Variants in ACSM1 observed in about 807,000 individuals in gnomAD.
The protein encoded by ACSM1 is acyl-coenzyme A synthetase ACSM1, mitochondrial.
ACSM1 carries 79 observed loss-of-function variants against 75.8 expected under a neutral mutation model. That is an observed-to-expected ratio of 1.04 (90% CI 0.87 to 1.26). ACSM1 has a LOEUF of 1.26. Ranked by LOEUF, ACSM1 falls within the 50% of genes most tolerant of loss-of-function variation. The pLI is 0.00. For synonymous variants in ACSM1, 279 were observed against 265.8 expected (o/e 1.05, Z -0.48); for missense variants, 676 against 720.1 (o/e 0.94, Z 0.70).
At chr16:20,687,946 A>G (rs977640705) in intron 2 of ACSM1, among the ~76,000 whole-genome samples, 1 of 151,994 alleles carries the variant, frequency 6.6e-6, no homozygotes. Context: ...TAAGCCAGGC[A>G]TAGTTGCATG....
intron 11 of ACSM1, among the ~76,000 whole-genome samples, chr16:20,626,016 T>C (rs964629999): frequency 6.6e-6 from 1 of 152,258 alleles, no homozygotes; most frequent in Non-Finnish European, 1.5e-5. Context: ...TTGCCTTTTT[T>C]TTCTTTTGTG....
intron 7 of ACSM1, among the ~76,000 whole-genome samples, chr16:20,653,593 A>G (rs2018773056): frequency 6.6e-6 from 1 of 152,222 alleles, no homozygotes; most frequent in Non-Finnish European, 1.5e-5. Flanking sequence ...AATCACAAGC[A>G]TTCTTATACA....
chr16:20,639,389 G>A (rs2017919083), intron 8 of ACSM1, among the ~76,000 whole-genome samples: 2 of 152,132 alleles, frequency 1.3e-5, no homozygotes, highest in South Asian at 2.1e-4. Context: ...TAAACCCCAA[G>A]CAATGCACTT....
At chr16:20,684,760 G>A (rs2079515841) in intron 3 of ACSM1, among the ~76,000 whole-genome samples, 3 of 152,268 alleles carry the variant, frequency 2.0e-5, no homozygotes, top group East Asian at 3.9e-4. Flanking sequence ...GAAAGAGAGA[G>A]GGAGAGAGTG....
chr16:20,644,572 CACACACAT>C (rs950988553), intron 7 of ACSM1, among the ~76,000 whole-genome samples: 1 of 146,624 alleles, frequency 6.8e-6, no homozygotes, highest in Admixed American at 6.7e-5. Context: ...CACACACACA[CACACACAT>C]AATGGGTATT....
At chr16:20,624,443 A>G (rs1309084692) in intron 12 of ACSM1, among the ~76,000 whole-genome samples, 1 of 152,200 alleles carries the variant, frequency 6.6e-6, no homozygotes, top group East Asian at 1.9e-4. Context: ...AATGGGGACA[A>G]TAAAGCTTCC....
chr16:20,677,639 T>G (rs1298957374), intron 4 of ACSM1, among the ~76,000 whole-genome samples: 2 of 152,186 alleles, frequency 1.3e-5, no homozygotes, highest in East Asian at 3.9e-4. Flanking sequence ...AATATTTTAC[T>G]GATGGAAGCA....
In ACSM1 at chr16:20,625,436, G is replaced by T. The variant is rs140233108; in HGVS notation, c.1514C>A (p.Pro505Gln). ...AESAVVGSPD[P>Q]IRGEVVKAFI... ...TGTTCTCCTCACCTCCCCTCGAATCGGGTCTGGGCTGCCCACCACGGCTGA... is the reference window on the plus strand; with the variant it reads ...TGTTCTCCTCACCTCCCCTCGAATCTGGTCTGGGCTGCCCACCACGGCTGA... Residue 505 changes from proline (P) to glutamine (Q), a missense_variant, in exon 12 of 14, where the codon CCG becomes CAG. By Grantham distance (76) the Pro-to-Gln change is moderately conservative. Coordinates refer to ENST00000520010, the MANE Select transcript of ACSM1 (RefSeq NM_001318890.3). 1 of 1,613,992 alleles carries T rather than the reference G, an allele frequency of 6.2e-7. No homozygotes were observed.
At position 20,627,428 on chromosome 16, in the gene ACSM1, T is replaced by C. The variant is rs1029637852; in HGVS notation, c.1300-112A>G. 4 of 1,302,970 alleles carry C rather than the reference T, an allele frequency of 3.1e-6. 1 individual carries two copies. Among genetic ancestry groups the C allele is most frequent in the Non-Finnish European group, 4.1e-6 (4 of 985,188 alleles). 80.7% of individuals were successfully genotyped at this position (1,302,970 alleles called of 1,614,324 possible). A position where few individuals can be genotyped will look rare whatever the true frequency, so the allele number is the denominator to read the frequency against. On this transcript the variant is annotated intron_variant, in intron 10 of 13. Coordinates refer to ENST00000520010, the MANE Select transcript of ACSM1 (RefSeq NM_001318890.3). ...TCTGCCTCTGTTTCTACTCGGTACC[T>C]GGGCAAGTTTTGCCATTTCTGAGTC...
At chr16:20,624,348 G>A in intron 12 of ACSM1, 133 bp from the exon 13 acceptor site, 3 of 1,083,816 alleles carry the variant, frequency 2.8e-6, no homozygotes, top group Non-Finnish European at 3.7e-6. Flanking sequence ...AGAGGACCAG[G>A]TGTAAATCCC....
chr16:20,640,032 T>C (rs954320605), intron 8 of ACSM1, among the ~76,000 whole-genome samples: 2 of 152,230 alleles, frequency 1.3e-5, no homozygotes, highest in Non-Finnish European at 2.9e-5. Context: ...AATTTCACCC[T>C]GACATTTATA....
chr16:20,689,354 C>CAAGTAAACA (rs1208353868), intron 2 of ACSM1, among the ~76,000 whole-genome samples: 1 of 151,776 alleles, frequency 6.6e-6, no homozygotes, highest in African/African-American at 2.4e-5. Context: ...TACAAAAACT[C>CAAGTAAACA]AAGTAAACAC....
At chr16:20,642,402 A>G (rs1217507275) in intron 7 of ACSM1, among the ~76,000 whole-genome samples, 7 of 152,236 alleles carry the variant, frequency 4.6e-5, no homozygotes, top group Non-Finnish European at 1.5e-5. Flanking sequence ...GGGTGAGAAG[A>G]TGAATTAGCT....
Position 20,641,778 on chromosome 16 carries a change from G to A in ACSM1, c.993-1194C>T, listed in dbSNP as rs529686933. Among the ~76,000 whole-genome samples, 6 of 152,246 alleles carry A rather than the reference G, an allele frequency of 3.9e-5. No homozygotes were observed. In the South Asian group the frequency reaches 1.2e-3, roughly 32 times the overall value. On this transcript the variant is annotated intron_variant, in intron 7 of 13. Coordinates refer to ENST00000520010, the MANE Select transcript of ACSM1 (RefSeq NM_001318890.3). ...GGCCTGATCAGCCCAACATTCCTGG[G>A]TGCCCAATGTGGGGTGATGAAGACC...
chr16:20,656,584 A>T (rs148855086), intron 7 of ACSM1, among the ~76,000 whole-genome samples: 255 of 152,302 alleles, frequency 1.7e-3, no homozygotes, highest in African/African-American at 5.7e-3. Flanking sequence ...TTTGGTTAAG[A>T]AACATTTAAG....
At chr16:20,691,770 T>C (rs1002351077) in intron 1 of ACSM1, among the ~76,000 whole-genome samples, 5 of 70,796 alleles carry the variant, frequency 7.1e-5, no homozygotes, top group South Asian at 4.4e-4. Context: ...TGTGTGTGTG[T>C]GTGTGTGTGT....
At chr16:20,696,324 T>A (rs1200265622) in intron 1 of ACSM1, among the ~76,000 whole-genome samples, 1 of 152,240 alleles carries the variant, frequency 6.6e-6, no homozygotes, top group Non-Finnish European at 1.5e-5. Flanking sequence ...TCTATTTCCA[T>A]CCACATCTGT....
At chr16:20,685,841 AAAAAAC>A (rs1334661571) in intron 2 of ACSM1, among the ~76,000 whole-genome samples, 45 of 123,696 alleles carry the variant, frequency 3.6e-4, no homozygotes, top group African/African-American at 9.3e-4. Context: ...ACAAACAAAA[AAAAAAC>A]AAAAAACTTA....
At chr16:20,638,803 C>T (rs1347216018) in intron 8 of ACSM1, among the ~76,000 whole-genome samples, 1 of 152,168 alleles carries the variant, frequency 6.6e-6, no homozygotes, top group African/African-American at 2.4e-5. Context: ...ATGTGAAAAA[C>T]GTTGCACACA....
Sources: gnomAD v4.1 joint callset for allele counts (sites outside exome capture counted in the v4.1 genomes callset) on GRCh38, gnomAD v4.1.1 for gene constraint, MANE v1.5 for transcripts, NCBI Gene and HGNC (gene_info 2026-07-23, HGNC 2026-07-21) for gene names.